Variants in NOX5 observed in about 807,000 individuals in gnomAD.
The protein encoded by NOX5 is NADPH oxidase 5, also known as NADPH oxidase, EF-hand calcium binding domain 5.
NOX5 carries 76 observed loss-of-function variants against 85.7 expected under a neutral mutation model. The observed-to-expected ratio is 0.89, with a 90% confidence interval of 0.74 to 1.07. The LOEUF (loss-of-function observed/expected upper bound fraction) is 1.07, where lower values mean the gene tolerates loss of function less well. Among genes scored for constraint, NOX5 ranks in the 50% least tolerant of loss-of-function variants. The probability of loss-of-function intolerance (pLI) is 0.00; values close to 1 mark genes in which losing one functional copy is unlikely to be tolerated. For synonymous variants in NOX5, 405 were observed against 401.4 expected, an observed-to-expected ratio of 1.01 and a Z score of -0.11; for missense variants, 973 against 999.5, an observed-to-expected ratio of 0.97 and a Z score of 0.36.
intron 5 of NOX5, among the ~76,000 whole-genome samples, chr15:69,035,084 A>C (rs1441315413): frequency 6.6e-6 from 1 of 152,144 alleles, no homozygotes; most frequent in Non-Finnish European, 1.5e-5. Flanking sequence ...AAATATTAGT[A>C]AAAGCATAGA....
intron 9 of NOX5, among the ~76,000 whole-genome samples, chr15:69,042,408 C>T (rs961377696): frequency 6.6e-6 from 1 of 152,202 alleles, no homozygotes; most frequent in Admixed American, 6.5e-5. Context: ...TGCTCTGATC[C>T]TTTCTTTGGT....
rs374520151 is a variant in NOX5 at position 69,035,488 on chromosome 15, G to A, written c.990G>A (p.Val330=). 6.2e-7 allele frequency: 1 copy of A among 1,614,164 alleles called. No homozygotes were observed. Among genetic ancestry groups the A allele is most frequent in the Non-Finnish European group, 8.5e-7 (1 of 1,179,986 alleles). The change falls in exon 6 of 16, where the codon GTG becomes GTA. Residue 330 remains valine (V), a synonymous_variant. Transcript: ENST00000388866. ...VVVGLSLVHT[V]AHTVNFVLQA... ...TGGGGCTGTCCCTCGTGCACACCGT[G>A]GCTCACACTGTGAACTTTGGTGAGT...
intron 10 of NOX5, among the ~76,000 whole-genome samples, chr15:69,045,080 G>A (rs920779096): frequency 1.3e-5 from 2 of 152,232 alleles, no homozygotes; most frequent in African/African-American, 4.8e-5. Flanking sequence ...TGGGACTAGA[G>A]ACAGGAGGGC....
chr15:69,034,338 T>G (rs568921956), intron 5 of NOX5, among the ~76,000 whole-genome samples: 2 of 152,230 alleles, frequency 1.3e-5, no homozygotes, highest in East Asian at 1.9e-4. Context: ...AATAATCACA[T>G]CTTGCAAAAT....
chr15:69,044,982 G>C (rs1567104631), intron 10 of NOX5, among the ~76,000 whole-genome samples: 1 of 152,200 alleles, frequency 6.6e-6, no homozygotes, highest in African/African-American at 2.4e-5. Flanking sequence ...GCAGGACGAA[G>C]ACCTGGTGTA....
chr15:69,047,043 A>G (rs1000194994), intron 11 of NOX5, 177 bp downstream of exon 11: 13 of 647,664 alleles, frequency 2.0e-5, no homozygotes, highest in East Asian at 8.2e-5. Context: ...TGCTCTTTAT[A>G]TCCAAGGGTG....
intron 2 of NOX5, among the ~76,000 whole-genome samples, chr15:69,027,813 C>T (rs549643621): frequency 1.3e-5 from 2 of 152,190 alleles, no homozygotes; most frequent in Non-Finnish European, 2.9e-5. Flanking sequence ...TCATCCCTTG[C>T]GCTCACCCCA....
chr15:69,036,710 TCCTTCTG>T (rs1489851344), intron 7 of NOX5, among the ~76,000 whole-genome samples: 1 of 152,200 alleles, frequency 6.6e-6, no homozygotes, highest in Non-Finnish European at 1.5e-5. Flanking sequence ...TTTCCTTTCT[TCCTTCTG>T]AGAATGGGTC....
chr15:69,028,976 TGTG>T (rs2050395488), intron 3 of NOX5: 2 of 152,366 alleles, frequency 1.3e-5, no homozygotes, highest in African/African-American at 4.8e-5. Flanking sequence ...TCATTTTTAT[TGTG>T]GTAAAATATA....
chr15:69,049,347 C>T (rs894683425), intron 14 of NOX5, among the ~76,000 whole-genome samples: 1 of 151,992 alleles, frequency 6.6e-6, no homozygotes, highest in African/African-American at 2.4e-5. Context: ...CAGGCCACCA[C>T]TTCCGCTAAT....
intron 14 of NOX5, among the ~76,000 whole-genome samples, chr15:69,052,162 G>A (rs1219281002): frequency 1.3e-5 from 2 of 150,976 alleles, no homozygotes; most frequent in South Asian, 2.1e-4. Flanking sequence ...AGGCTGCAGC[G>A]AGCCATGATA....
At chr15:69,047,014 G>A in intron 11 of NOX5, 148 bp downstream of exon 11, 1 of 754,576 alleles carries the variant, frequency 1.3e-6, no homozygotes, top group Non-Finnish European at 2.2e-6. Context: ...TCCGGGTCAT[G>A]TAACCACATC....
In NOX5 at chr15:69,021,013, A is replaced by G. The variant is rs542023364; in HGVS notation, c.51-5515A>G. Among the ~76,000 whole-genome samples the G allele has an allele frequency of 4.6e-5, 7 of 152,194 alleles. No individual in the cohort carries two copies. The South Asian group carries it at 1.2e-3, about 27-fold the overall frequency. On this transcript the variant is annotated intron_variant, in intron 1 of 15. Coordinates refer to ENST00000388866, the MANE Select transcript of NOX5 (RefSeq NM_024505.4). ...GAACCATCCTTACATTACTAAACTA[A>G]GTTCTAACTAACTAATTAGGTTCTA...
In NOX5 at chr15:69,056,784, G is replaced by C; in HGVS notation, c.*88G>C. 1 of 1,512,262 alleles carries C rather than the reference G, an allele frequency of 6.6e-7. No individual in the cohort carries two copies. Among genetic ancestry groups the C allele is most frequent in the Non-Finnish European group, 8.9e-7 (1 of 1,121,536 alleles). The allele number at this position is 1,512,262 out of a possible 1,614,324, so 93.7% of individuals were successfully genotyped here. A position where few individuals can be genotyped will look rare whatever the true frequency, so the allele number is the denominator to read the frequency against. Reference sequence around the variant, plus strand: ...AATGCCCCCACAGGGACCAGCCTCAGATGACCCACCCAATAAGACAAAGCC... The same window carrying C: ...AATGCCCCCACAGGGACCAGCCTCACATGACCCACCCAATAAGACAAAGCC... On this transcript the variant is annotated 3_prime_UTR_variant, in exon 16 of 16. Transcript: ENST00000388866.
At chr15:69,015,553 G>C (rs551098727) in intron 1 of NOX5, among the ~76,000 whole-genome samples, 2 of 152,280 alleles carry the variant, frequency 1.3e-5, no homozygotes, top group East Asian at 3.9e-4. Context: ...CAGGTGCATG[G>C]GTGGGTCACC....
intron 4 of NOX5, 85 bp from the exon 5 acceptor site, chr15:69,032,958 A>G: frequency 6.7e-7 from 1 of 1,500,834 alleles, no homozygotes; most frequent in Non-Finnish European, 8.8e-7. Flanking sequence ...TTGGTCGGCC[A>G]TAGCTTGAAG....
intron 4 of NOX5, 42 bp downstream of exon 4, chr15:69,031,854 T>C (rs1471576779): frequency 6.4e-7 from 1 of 1,552,312 alleles, no homozygotes; most frequent in Middle Eastern, 2.3e-4. Flanking sequence ...CACGGCGGCG[T>C]TAGACTCCTG....
chr15:69,059,258 G>C lies in NOX5; in HGVS notation c.*2562G>C, dbSNP rs1056211755. On this transcript the variant is annotated 3_prime_UTR_variant, in exon 16 of 16. Coordinates refer to ENST00000388866, the MANE Select transcript of NOX5 (RefSeq NM_024505.4). ...CTCCAGACAGATTCCAGTTGCCCAC[G>C]AGAGGGCGCTGCAGAATCACGGATC... The C allele has an allele frequency of 6.6e-6, 1 of 152,174 alleles. No homozygotes were observed. The highest frequency in any genetic ancestry group is 1.5e-5 in the Non-Finnish European group (1 of 68,040). The allele number at this position is 152,174 out of a possible 1,614,324, so 9.4% of individuals were successfully genotyped here.
chr15:69,049,101 G>C (rs751871251), intron 14 of NOX5, 43 bp downstream of exon 14: 4 of 1,315,284 alleles, frequency 3.0e-6, no homozygotes, highest in Admixed American at 4.3e-5. Context: ...AGTAGGGCAG[G>C]GGCCTTCAGC....
Sources: gnomAD v4.1 joint callset for allele counts (sites outside exome capture counted in the v4.1 genomes callset) on GRCh38, gnomAD v4.1.1 for gene constraint, MANE v1.5 for transcripts, NCBI Gene and HGNC (gene_info 2026-07-23, HGNC 2026-07-21) for gene names.